TECPR2: variants seen among roughly 807,000 people sequenced by gnomAD.
TECPR2 encodes tectonin beta-propeller repeat-containing protein 2.
In TECPR2, 65 loss-of-function variants were observed where a neutral mutation model predicts 138.1. The observed-to-expected ratio is 0.47, with a 90% confidence interval of 0.39 to 0.58. The LOEUF is 0.58. TECPR2 is among the 20% of genes least tolerant of loss of function. The pLI is 0.00. For synonymous variants in TECPR2, 746 were observed against 749.8 expected (o/e 0.99, Z 0.08); for missense variants, 1,553 against 1,824.5 (o/e 0.85, Z 2.71).
At position 102,443,611 on chromosome 14, in the gene TECPR2, G is replaced by C; in HGVS notation, c.2753-36G>C. ...CAAAATGAGGTGTGGAGTTCTGACT[G>C]TGTGTCTTTGGGGCTTCTTCCCATC... On this transcript the variant is annotated intron_variant, in intron 11 of 19. Transcript: ENST00000359520. This position sits in a 1 kb window ranked among gnomAD's most constrained non-coding sequence, Gnocchi z 4.9. 6.7e-7 allele frequency: 1 copy of C among 1,494,264 alleles called. No homozygotes were observed. The highest frequency in any genetic ancestry group is 9.0e-7 in the Non-Finnish European group (1 of 1,106,252). The allele number at this position is 1,494,264 out of a possible 1,614,324, so 92.6% of individuals were successfully genotyped here.
intron 5 of TECPR2, among the ~76,000 whole-genome samples, chr14:102,422,958 G>T (rs1194281602): frequency 6.6e-6 from 1 of 152,160 alleles, no homozygotes; most frequent in Non-Finnish European, 1.5e-5. Context: ...CTATCAGCTG[G>T]TGTCTTAGCG....
intron 7 of TECPR2, 42 bp from the exon 8 acceptor site, chr14:102,431,754 C>T: frequency 6.6e-7 from 1 of 1,512,110 alleles, no homozygotes; most frequent in Non-Finnish European, 8.9e-7. Context: ...CATCAGCTCT[C>T]TCTTGGATCA....
chr14:102,382,467 A>G (rs2139664299), intron 2 of TECPR2, among the ~76,000 whole-genome samples: 1 of 152,376 alleles, frequency 6.6e-6, no homozygotes, highest in East Asian at 1.9e-4. Flanking sequence ...CTGCAATTAC[A>G]TGTGGAGACT....
At chr14:102,384,315 C>T (rs1349609857) in intron 2 of TECPR2, among the ~76,000 whole-genome samples, 1 of 152,020 alleles carries the variant, frequency 6.6e-6, no homozygotes, top group Non-Finnish European at 1.5e-5. Context: ...TGGGCAGCTG[C>T]ATCTGGTGGG....
intron 17 of TECPR2, among the ~76,000 whole-genome samples, chr14:102,493,028 A>G (rs1372987475): frequency 6.6e-6 from 1 of 152,186 alleles, no homozygotes; most frequent in Non-Finnish European, 1.5e-5. Flanking sequence ...TCCGCCTGCC[A>G]CCGTGCTGCT....
chr14:102,385,375 G>A (rs1887969271), intron 2 of TECPR2, among the ~76,000 whole-genome samples: 1 of 152,062 alleles, frequency 6.6e-6, no homozygotes, highest in South Asian at 2.1e-4. Flanking sequence ...CTGCCACTTT[G>A]GGGATCAGAC....
intron 2 of TECPR2, among the ~76,000 whole-genome samples, chr14:102,398,949 A>T (rs987136684): frequency 1.3e-5 from 2 of 152,084 alleles, no homozygotes; most frequent in African/African-American, 4.8e-5. Context: ...CAATAAGATT[A>T]TAAGCAGATT....
chr14:102,467,766 A>T (rs1227290237), intron 17 of TECPR2, among the ~76,000 whole-genome samples: 1 of 151,922 alleles, frequency 6.6e-6, no homozygotes, highest in East Asian at 1.9e-4. Flanking sequence ...ACAACTAATG[A>T]TATTGAACAT....
chr14:102,446,299 G>T (rs532911602), intron 13 of TECPR2, among the ~76,000 whole-genome samples: 2 of 151,964 alleles, frequency 1.3e-5, no homozygotes, highest in Non-Finnish European at 2.9e-5. Context: ...AAACTCCTGA[G>T]CTCAAGAGAT....
In TECPR2 at chr14:102,428,888, C is replaced by T. The variant is rs142009863; in HGVS notation, c.1084+506C>T. 3.4e-3 allele frequency among the ~76,000 whole-genome samples: 508 copies of T among 149,352 alleles called. 5 individuals carry two copies. The highest frequency in any genetic ancestry group is 0.012 in the African/African-American group (479 of 40,530). On this transcript the variant is annotated intron_variant, in intron 7 of 19. Transcript: ENST00000359520. The stretch of plus-strand genomic sequence containing the variant: ...TTGAGATGGAGTTTCGCTCTTGTTG[C>T]CCAGGCTAGAGTGCAATGAGGCGAT...
chr14:102,447,864 A>G (rs1184708256), intron 13 of TECPR2, among the ~76,000 whole-genome samples: 1 of 151,816 alleles, frequency 6.6e-6, no homozygotes, highest in Non-Finnish European at 1.5e-5. Context: ...ATCTTGCCCC[A>G]TTGGTTTATG....
intron 5 of TECPR2, among the ~76,000 whole-genome samples, chr14:102,422,726 A>G (rs1889217989): frequency 6.6e-6 from 1 of 152,260 alleles, no homozygotes; most frequent in Admixed American, 6.5e-5. Context: ...ACAAGGGGGC[A>G]GGAAGTGTTA....
At chr14:102,448,936 A>G (rs1411038491) in intron 13 of TECPR2, among the ~76,000 whole-genome samples, 2 of 151,980 alleles carry the variant, frequency 1.3e-5, no homozygotes, top group African/African-American at 4.8e-5. Context: ...TAAGTACCGT[A>G]TACTGTTGTC....
chr14:102,424,901 A>G, intron 5 of TECPR2, 78 bp from the exon 6 acceptor site: 3 of 1,383,648 alleles, frequency 2.2e-6, no homozygotes, highest in Non-Finnish European at 3.0e-6. Context: ...TGTACTTAAT[A>G]TTAAGGGTTG....
rs1417010564 is a variant in TECPR2 at position 102,369,785 on chromosome 14, AC to A, written c.-73+6670del. 5.0e-5 allele frequency among the ~76,000 whole-genome samples: 7 copies of A among 140,010 alleles called. 1 individual carries two copies. The highest frequency in any genetic ancestry group is 6.3e-5 in the Non-Finnish European group (4 of 63,782). 91.9% of individuals were successfully genotyped at this position (140,010 alleles called of 152,430 possible). A position where few individuals can be genotyped will look rare whatever the true frequency, so the allele number is the denominator to read the frequency against. On this transcript the variant is annotated intron_variant, in intron 1 of 19. Coordinates refer to ENST00000359520, the MANE Select transcript of TECPR2 (RefSeq NM_014844.5). ...TGAAACCCCGTCTCTACTAAAAAAAACAAAAAAACAAAAAAACAAAAAATTA... is the reference window on the plus strand; with the variant it reads ...TGAAACCCCGTCTCTACTAAAAAAAAAAAAAAACAAAAAAACAAAAAATTA...
At chr14:102,378,235 A>T (rs1442105975) in intron 2 of TECPR2, among the ~76,000 whole-genome samples, 1 of 152,206 alleles carries the variant, frequency 6.6e-6, no homozygotes. Flanking sequence ...AGAAATGTTT[A>T]CAAATACTTG....
At chr14:102,401,804 C>CA (rs34413626) in intron 2 of TECPR2, among the ~76,000 whole-genome samples, 23,209 of 68,774 alleles carry the variant, frequency 0.34, 4,641 homozygotes, top group East Asian at 0.42. Context: ...GACTCCGTCT[C>CA]AAAAAAAAAA....
At position 102,452,513 on chromosome 14, in the gene TECPR2, G is replaced by T. The variant is rs1294728364; in HGVS notation, c.3526G>T (p.Ala1176Ser). 3 of 1,612,486 alleles carry T rather than the reference G, an allele frequency of 1.9e-6. No homozygotes were observed. In the African/African-American group the frequency reaches 4.0e-5, roughly 22 times the overall value. Residue 1176 changes from alanine to serine, a missense_variant, in exon 16 of 20, where the codon GCC (alanine) becomes TCC (serine). Ala to Ser is a moderately conservative substitution (Grantham distance 99). Coordinates refer to ENST00000359520, the MANE Select transcript of TECPR2 (RefSeq NM_014844.5). ...CGAAGCCGAGATGCGCGCCTATGCC[G>T]CCTGCCAGGATGCGCTGTGGGCGCT... is the stretch of plus-strand genomic sequence containing the variant. ...PPEAEMRAYA[A>S]CQDALWALDS...
chr14:102,481,282 G>T (rs1054899528), intron 17 of TECPR2, among the ~76,000 whole-genome samples: 1 of 151,970 alleles, frequency 6.6e-6, no homozygotes, highest in Admixed American at 6.6e-5. Flanking sequence ...GGGATTGCAT[G>T]CGTGAGCCAC....
Sources: gnomAD v4.1 joint callset for allele counts (sites outside exome capture counted in the v4.1 genomes callset) on GRCh38, gnomAD v4.1.1 for gene constraint, Gnocchi (gnomAD v3.1) non-coding constraint, MANE v1.5 for transcripts, NCBI Gene and HGNC (gene_info 2026-07-23, HGNC 2026-07-21) for gene names.